The following KLRG1 variants were observed in gnomAD, a reference collection of about 807,000 sequenced individuals.
KLRG1 encodes the protein killer cell lectin-like receptor subfamily G member 1.
A neutral mutation model predicts 21.8 loss-of-function variants in KLRG1; 16 were observed. The ratio of observed to expected loss-of-function variants is 0.73; its 90% CI spans 0.50 to 1.11. KLRG1 has a LOEUF of 1.11. KLRG1 is among the 50% of genes most tolerant of loss of function. The pLI is 0.00. For missense variants in KLRG1, 173 were observed against 218.3 expected (o/e 0.79, Z 1.31); for synonymous variants, 69 against 75.9 (o/e 0.91, Z 0.47).
the KLRG1 span, chr12:9,165,198 G>A: frequency 5.1e-5 from 83 of 1,614,028 alleles, no homozygotes; most frequent in Non-Finnish European, 6.2e-5. Context: ...ACCTCTCCAC[G>A]AATCACAGAG....
the KLRG1 span, among the ~76,000 whole-genome samples, chr12:9,114,637 G>A: frequency 1.3e-5 from 2 of 151,788 alleles, no homozygotes; most frequent in Admixed American, 6.6e-5. Context: ...TTCAAAAAAT[G>A]TTGTGAATTA....
At chr12:9,154,102 T>G in the KLRG1 span, among the ~76,000 whole-genome samples, 1 of 152,208 alleles carries the variant, frequency 6.6e-6, no homozygotes, top group South Asian at 2.1e-4. Flanking sequence ...GTACTTTTAA[T>G]CACACATTTT....
chr12:9,033,258 A>G, the KLRG1 span, among the ~76,000 whole-genome samples: 1 of 152,078 alleles, frequency 6.6e-6, no homozygotes, highest in Non-Finnish European at 1.5e-5. Flanking sequence ...GGAACGTAGA[A>G]AGTCATCATC....
the KLRG1 span, among the ~76,000 whole-genome samples, chr12:9,051,884 A>C: frequency 1.3e-3 from 205 of 152,234 alleles, no homozygotes; most frequent in Non-Finnish European, 2.3e-3. Context: ...CATTGCAATT[A>C]GACAAAAATA....
At chr12:9,085,220 A>G in the KLRG1 span, among the ~76,000 whole-genome samples, 1 of 152,090 alleles carries the variant, frequency 6.6e-6, no homozygotes, top group Admixed American at 6.6e-5. Context: ...CAAGCACACA[A>G]GAAACATTCT....
At chr12:9,072,793 T>C in the KLRG1 span, 4 of 1,614,200 alleles carry the variant, frequency 2.5e-6, no homozygotes, top group Admixed American at 6.7e-5. Flanking sequence ...GACTGGATAG[T>C]CACCTGTGCA....
chr12:9,192,579 A>G, the KLRG1 span: 1 of 1,614,206 alleles, frequency 6.2e-7, no homozygotes, highest in South Asian at 1.1e-5. Flanking sequence ...GTGTGCCGTG[A>G]TAGTCTCCGT....
At chr12:9,061,448 A>C in the KLRG1 span, among the ~76,000 whole-genome samples, 1 of 152,128 alleles carries the variant, frequency 6.6e-6, no homozygotes, top group Non-Finnish European at 1.5e-5. Context: ...AAAAAATATA[A>C]TTTTAAAAAG....
At chr12:9,097,863 T>C in the KLRG1 span, among the ~76,000 whole-genome samples, 84,641 of 151,566 alleles carry the variant, frequency 0.56, 25,170 homozygotes, top group African/African-American at 0.76. Context: ...AAACTCCTGA[T>C]CTCAAGTTAT....
At chr12:9,079,272 G>A in the KLRG1 span, 15 of 1,613,476 alleles carry the variant, frequency 9.3e-6, no homozygotes, top group Admixed American at 3.3e-5. Flanking sequence ...CTGCCATATC[G>A]CTCCCCAAAG....
the KLRG1 span, chr12:9,068,921 T>C: frequency 9.7e-7 from 1 of 1,033,722 alleles, no homozygotes; most frequent in East Asian, 2.6e-5. Context: ...TTCACCTGTT[T>C]TTTGGGGGAA....
the KLRG1 span, among the ~76,000 whole-genome samples, chr12:9,205,092 C>CA: frequency 1.4e-3 from 207 of 148,394 alleles, no homozygotes; most frequent in Middle Eastern, 0.014. Flanking sequence ...GACCCTGTTT[C>CA]AAAAAAAAAC....
the KLRG1 span, chr12:9,091,173 G>A: frequency 1.2e-6 from 2 of 1,602,586 alleles, no homozygotes; most frequent in East Asian, 2.2e-5. Flanking sequence ...TGGCTACCTT[G>A]TATTTAATTT....
chr12:9,072,797 C>G, the KLRG1 span: 1 of 1,614,174 alleles, frequency 6.2e-7, no homozygotes, highest in Non-Finnish European at 8.5e-7. Context: ...GGATAGTCAC[C>G]TGTGCAGCCT....
intron 3 of KLRG1, chr12:8,996,474 A>G (rs1947134234): frequency 6.6e-6 from 1 of 152,212 alleles, no homozygotes; most frequent in South Asian, 2.1e-4. Flanking sequence ...CAATTTATTG[A>G]GAATTAAACT....
At chr12:9,148,502 A>T in the KLRG1 span, among the ~76,000 whole-genome samples, 2 of 152,080 alleles carry the variant, frequency 1.3e-5, no homozygotes, top group African/African-American at 4.8e-5. Flanking sequence ...CCTAAAATGC[A>T]CTTTAATTAT....
At chr12:8,959,368 G>C (rs1268273002) in intron 1 of KLRG1, among the ~76,000 whole-genome samples, 1 of 152,160 alleles carries the variant, frequency 6.6e-6, no homozygotes, top group East Asian at 1.9e-4. Flanking sequence ...AGGAGACCAA[G>C]AGATGCCACT....
At chr12:9,074,352 G>A in the KLRG1 span, among the ~76,000 whole-genome samples, 7 of 152,252 alleles carry the variant, frequency 4.6e-5, no homozygotes, top group African/African-American at 1.7e-4. Flanking sequence ...ATAACACAGC[G>A]ATGGGGTGCC....
chr12:9,041,352 A>C, the KLRG1 span, among the ~76,000 whole-genome samples: 1 of 152,184 alleles, frequency 6.6e-6, no homozygotes, highest in Non-Finnish European at 1.5e-5. Flanking sequence ...ACAAACAAAA[A>C]AACAAAACAA....
Sources: gnomAD v4.1 joint callset for allele counts (sites outside exome capture counted in the v4.1 genomes callset) on GRCh38, gnomAD v4.1.1 for gene constraint, MANE v1.5 for transcripts, NCBI Gene and HGNC (gene_info 2026-07-23, HGNC 2026-07-21) for gene names.